The following TDRD12 variants were observed in gnomAD, a reference collection of about 807,000 sequenced individuals.
TDRD12 encodes tudor domain containing 12.
TDRD12 carries 158 observed loss-of-function variants against 133.5 expected under a neutral mutation model. The ratio of observed to expected loss-of-function variants is 1.18; its 90% confidence interval spans 1.04 to 1.35. The LOEUF is 1.35. Among genes scored for constraint, TDRD12 ranks in the 40% most tolerant of loss-of-function variants. The probability of loss-of-function intolerance (pLI) is 0.00; values close to 1 mark genes in which losing one functional copy is unlikely to be tolerated. For missense variants in TDRD12, 1,443 were observed against 1,321.3 expected, an observed-to-expected ratio of 1.09 and a Z score of -1.43; for synonymous variants, 460 against 477.9, an observed-to-expected ratio of 0.96 and a Z score of 0.49.
chr19:32,722,418 C>T (rs892780540), intron 1 of TDRD12, among the ~76,000 whole-genome samples: 6 of 152,106 alleles, frequency 3.9e-5, no homozygotes, highest in Admixed American at 3.9e-4. Flanking sequence ...CCAGCTCACC[C>T]CCTGAGCAAA....
At chr19:32,802,992 A>G in exon 21 of TDRD12, 1 of 1,536,136 alleles carries the variant, frequency 6.5e-7, no homozygotes, top group Non-Finnish European at 8.7e-7. Context: ...GATGCGAGCC[A>G]TGCGGTGGGC....
At chr19:32,772,256 A>G (rs1970461816) in intron 8 of TDRD12, among the ~76,000 whole-genome samples, 1 of 152,176 alleles carries the variant, frequency 6.6e-6, no homozygotes, top group Non-Finnish European at 1.5e-5. Context: ...CCACAGCGTC[A>G]TGGCTGGGCT....
chr19:32,724,152 C>A (rs570380031), intron 1 of TDRD12, among the ~76,000 whole-genome samples: 16 of 152,192 alleles, frequency 1.1e-4, no homozygotes, highest in Non-Finnish European at 7.3e-5. Flanking sequence ...TGAGCCACCA[C>A]TCCCAGCCTT....
chr19:32,766,095 A>T (rs1970288856), intron 8 of TDRD12, among the ~76,000 whole-genome samples: 1 of 152,078 alleles, frequency 6.6e-6, no homozygotes, highest in South Asian at 2.1e-4. Flanking sequence ...TTTAGTTTTA[A>T]CCTATTTGTG....
exon 10 of TDRD12, chr19:32,827,774 T>C (rs1364061439): frequency 3.3e-5 from 5 of 152,150 alleles, no homozygotes; most frequent in Admixed American, 6.6e-5. Flanking sequence ...GACTTAAAAA[T>C]AGGCTGATGA....
intron 17 of TDRD12, 114 bp downstream of exon 17, chr19:32,800,472 C>A: frequency 9.9e-7 from 1 of 1,006,536 alleles, no homozygotes; most frequent in Non-Finnish European, 1.4e-6. Context: ...TAAACAATTA[C>A]AGCTTTGATT....
At chr19:32,795,357 GAAAA>G (rs1294200994) in intron 14 of TDRD12, among the ~76,000 whole-genome samples, 1 of 147,118 alleles carries the variant, frequency 6.8e-6, no homozygotes, top group African/African-American at 2.5e-5. Context: ...AAAAAAGAAA[GAAAA>G]AGAAAAAATG....
chr19:32,719,835 C>G (rs1289898075), exon 1 of TDRD12: 8 of 581,660 alleles, frequency 1.4e-5, no homozygotes, highest in Admixed American at 6.0e-5. Flanking sequence ...GATCCCGCAG[C>G]GAGGGGCTGG....
intron 8 of TDRD12, among the ~76,000 whole-genome samples, chr19:32,762,128 G>A (rs944983594): frequency 3.9e-5 from 6 of 152,162 alleles, no homozygotes; most frequent in Non-Finnish European, 7.3e-5. Context: ...TTTCCTCCTA[G>A]TGTGTGGCTT....
chr19:32,772,595 T>A (rs1970471391), intron 8 of TDRD12, among the ~76,000 whole-genome samples, 158 bp from the exon 9 acceptor site: 1 of 152,236 alleles, frequency 6.6e-6, no homozygotes, highest in African/African-American at 2.4e-5. Flanking sequence ...TAAAATTTAA[T>A]CCCCTCGAGT....
chr19:32,728,081 A>C (rs574296363), intron 1 of TDRD12, among the ~76,000 whole-genome samples: 276 of 152,254 alleles, frequency 1.8e-3, no homozygotes, highest in Non-Finnish European at 3.3e-3. Flanking sequence ...ACTAGACCAC[A>C]AGGGTTTATT....
intron 2 of TDRD12, among the ~76,000 whole-genome samples, chr19:32,733,315 A>G (rs1969117242): frequency 6.6e-6 from 1 of 152,006 alleles, no homozygotes; most frequent in South Asian, 2.1e-4. Flanking sequence ...CTAAAAATAC[A>G]AAAAATTAGC....
intron 8 of TDRD12, among the ~76,000 whole-genome samples, chr19:32,759,610 G>A (rs899029075): frequency 2.6e-5 from 4 of 151,918 alleles, no homozygotes; most frequent in African/African-American, 4.8e-5. Context: ...GTGAGACTCC[G>A]GCTGAAAAAT....
intron 26 of TDRD12, 91 bp from the exon 27 acceptor site, chr19:32,817,998 T>C: frequency 1.5e-6 from 1 of 679,210 alleles, no homozygotes. Flanking sequence ...TTTTTACCCA[T>C]GCACTCCAAG....
intron 27 of TDRD12, among the ~76,000 whole-genome samples, chr19:32,819,148 C>A (rs888131851): frequency 2.0e-4 from 30 of 152,032 alleles, no homozygotes; most frequent in Non-Finnish European, 1.2e-4. Context: ...AAGACCCTGT[C>A]TCTACTAAAA....
chr19:32,790,483 G>A, intron 11 of TDRD12, 48 bp from the exon 12 acceptor site: 2 of 1,519,278 alleles, frequency 1.3e-6, no homozygotes, highest in South Asian at 1.2e-5. Context: ...GCTCAACTGA[G>A]GAAACAAACA....
intron 3 of TDRD12, among the ~76,000 whole-genome samples, chr19:32,740,058 C>T (rs1278684033): frequency 5.7e-5 from 5 of 88,290 alleles, no homozygotes; most frequent in South Asian, 5.1e-4. Context: ...TCTCCTGGTG[C>T]TCTCTCTGCA....
intron 8 of TDRD12, among the ~76,000 whole-genome samples, chr19:32,765,374 C>T (rs1970265103): frequency 6.6e-6 from 1 of 152,160 alleles, no homozygotes; most frequent in Non-Finnish European, 1.5e-5. Flanking sequence ...TTTGACCCAG[C>T]CATCCCATTA....
downstream of TDRD12, among the ~76,000 whole-genome samples, chr19:32,821,677 CTATAGTA>C (rs1387797578): frequency 6.6e-6 from 1 of 152,164 alleles, no homozygotes; most frequent in Non-Finnish European, 1.5e-5. Context: ...TGTGCCCCGC[CTATAGTA>C]TATGTTCTTG....
Sources: gnomAD v4.1 joint callset for allele counts (sites outside exome capture counted in the v4.1 genomes callset) on GRCh38, gnomAD v4.1.1 for gene constraint, MANE v1.5 for transcripts, NCBI Gene and HGNC (gene_info 2026-07-23, HGNC 2026-07-21) for gene names.